POMP: variants seen among roughly 807,000 people sequenced by gnomAD.
The protein encoded by POMP is 2510048O06Rik.
Under a neutral mutation model 20.6 loss-of-function variants are expected in POMP, and 12 were observed. That is an observed-to-expected ratio of 0.58 (90% CI 0.37 to 0.94). The LOEUF (loss-of-function observed/expected upper bound fraction) is 0.94, where lower values mean the gene tolerates loss of function less well. POMP is among the 40% of genes least tolerant of loss of function. POMP has a pLI of 0.01. For missense variants in POMP, 136 were observed against 161.1 expected, an observed-to-expected ratio of 0.84 and a Z score of 0.84; for synonymous variants, 53 against 55.0, an observed-to-expected ratio of 0.96 and a Z score of 0.16.
chr13:28,671,988 TC>T (rs941263204), intron 4 of POMP, among the ~76,000 whole-genome samples: 1 of 152,138 alleles, frequency 6.6e-6, no homozygotes, highest in African/African-American at 2.4e-5. Context: ...TGGACTTTCT[TC>T]AGGAATTTGA....
Position 28,678,135 on chromosome 13 carries a change from T to C in POMP, c.*33T>C. 1 of 1,579,694 alleles carries C rather than the reference T, an allele frequency of 6.3e-7. No individual in the cohort carries two copies. Among genetic ancestry groups the C allele is most frequent in the South Asian group, 1.1e-5 (1 of 90,370 alleles). ...CTGTTCATGGAAACCGAGGGCTGCA[T>C]CTTGTTTATAGTCATCTTTGTACTG... On this transcript the variant is annotated 3_prime_UTR_variant, in exon 6 of 6. Coordinates refer to ENST00000380842, the MANE Select transcript of POMP (RefSeq NM_015932.6).
At chr13:28,677,988 C>T in intron 5 of POMP, 47 bp from the exon 6 acceptor site, 1 of 1,552,670 alleles carries the variant, frequency 6.4e-7, no homozygotes, top group Non-Finnish European at 8.9e-7. Context: ...TTGAATGTAT[C>T]TCTTTTTTGA....
intron 4 of POMP, among the ~76,000 whole-genome samples, chr13:28,669,613 C>G (rs1566108841): frequency 6.6e-6 from 1 of 152,124 alleles, no homozygotes; most frequent in Non-Finnish European, 1.5e-5. Flanking sequence ...CTCCTGGCCT[C>G]AAGCTATCAT....
At position 28,672,804 on chromosome 13, in the gene POMP, G is replaced by C. The variant is rs541507519; in HGVS notation, c.358+372G>C. ...AAGAGTACATAGTCATTTCAGTCTA[G>C]TAATGGTGGTTATTCACTTCATGTC... On this transcript the variant is annotated intron_variant, in intron 5 of 5. Transcript: ENST00000380842. Among the ~76,000 whole-genome samples the C allele has an allele frequency of 3.9e-5, 6 of 152,248 alleles. No individual in the cohort carries two copies. In the East Asian group the frequency reaches 9.6e-4, roughly 24 times the overall value.
intron 5 of POMP, among the ~76,000 whole-genome samples, chr13:28,677,560 TTTTC>T (rs909737399): frequency 2.0e-4 from 31 of 152,176 alleles, no homozygotes; most frequent in African/African-American, 7.5e-4. Flanking sequence ...TTTTTAAAGG[TTTTC>T]TTTCTTAAGA....
At chr13:28,666,355 A>G (rs77494612) in intron 3 of POMP, among the ~76,000 whole-genome samples, 14 of 152,188 alleles carry the variant, frequency 9.2e-5, no homozygotes, top group Non-Finnish European at 1.9e-4. Flanking sequence ...AAGGGAGATT[A>G]TATTATTTTC....
intron 1 of POMP, among the ~76,000 whole-genome samples, chr13:28,661,511 A>C (rs1884341167): frequency 6.6e-6 from 1 of 152,148 alleles, no homozygotes; most frequent in Non-Finnish European, 1.5e-5. Context: ...TGCCTGTTGT[A>C]ACACCATGTT....
intron 4 of POMP, among the ~76,000 whole-genome samples, chr13:28,670,788 T>C (rs1375462408): frequency 6.6e-6 from 1 of 152,236 alleles, no homozygotes; most frequent in Non-Finnish European, 1.5e-5. Context: ...GGCTCATGCC[T>C]GTAATCCCAG....
At chr13:28,661,562 G>A (rs750310435) in intron 1 of POMP, among the ~76,000 whole-genome samples, 48 of 152,134 alleles carry the variant, frequency 3.2e-4, no homozygotes, top group African/African-American at 1.1e-3. Context: ...CTGAAGCCCC[G>A]GGAGGTAGAC....
chr13:28,673,137 C>T (rs1351862086), intron 5 of POMP, among the ~76,000 whole-genome samples: 1 of 148,438 alleles, frequency 6.7e-6, no homozygotes, highest in Non-Finnish European at 1.5e-5. Context: ...GTGGCGCAAT[C>T]TCAGCTCACT....
At chr13:28,668,767 G>A (rs997596236) in intron 4 of POMP, among the ~76,000 whole-genome samples, 193 bp downstream of exon 4, 1 of 151,934 alleles carries the variant, frequency 6.6e-6, no homozygotes, top group East Asian at 1.9e-4. Flanking sequence ...CAAATTACAG[G>A]CTCAGTGTCT....
Position 28,678,351 on chromosome 13 carries a change from G to T in POMP, c.*249G>T. On this transcript the variant is annotated 3_prime_UTR_variant, in exon 6 of 6. Transcript: ENST00000380842. ...AGCCTTTGTCTTTAAAAAAGTTGTT[G>T]CTCATGAATATTATAAAATGATCTA... 2 of 452,288 alleles carry T rather than the reference G, an allele frequency of 4.4e-6. No individual in the cohort carries two copies. Among genetic ancestry groups the T allele is most frequent in the South Asian group, 5.2e-5 (2 of 38,284 alleles). The allele number at this position is 452,288 out of a possible 1,614,324, so 28.0% of individuals were successfully genotyped here.
chr13:28,675,029 A>G (rs887853035), intron 5 of POMP, among the ~76,000 whole-genome samples: 4 of 152,094 alleles, frequency 2.6e-5, no homozygotes, highest in Non-Finnish European at 5.9e-5. Context: ...ACAGAGTGAA[A>G]CCCTATCTCA....
At chr13:28,672,275 T>C (rs1884561433) in intron 4 of POMP, 64 bp from the exon 5 acceptor site, 3 of 1,209,476 alleles carry the variant, frequency 2.5e-6, no homozygotes, top group Middle Eastern at 1.9e-4. Flanking sequence ...GAAATTAGAC[T>C]ATATATTCTG....
intron 1 of POMP, among the ~76,000 whole-genome samples, chr13:28,661,532 G>T (rs757037620): frequency 2.0e-4 from 30 of 152,122 alleles, no homozygotes; most frequent in Non-Finnish European, 3.1e-4. Flanking sequence ...TTCTTTGCTT[G>T]TTTAATATAT....
intron 5 of POMP, among the ~76,000 whole-genome samples, chr13:28,676,226 G>C (rs1037309283): frequency 6.6e-6 from 1 of 151,950 alleles, no homozygotes; most frequent in Non-Finnish European, 1.5e-5. Context: ...GGATGGTCTC[G>C]ATCTCCTGAC....
chr13:28,667,769 T>G (rs540208126), intron 3 of POMP, among the ~76,000 whole-genome samples: 1 of 152,340 alleles, frequency 6.6e-6, no homozygotes, highest in East Asian at 1.9e-4. Context: ...GCATATTACA[T>G]TCACTATCCT....
intron 4 of POMP, among the ~76,000 whole-genome samples, chr13:28,671,263 TAAG>T (rs1361600438): frequency 1.3e-5 from 2 of 152,110 alleles, no homozygotes; most frequent in Non-Finnish European, 2.9e-5. Context: ...TAATGTGAAA[TAAG>T]GAGAACAGTA....
rs200509494 is a variant in POMP at position 28,662,511 on chromosome 13, T to C, written c.101+4T>C. ...GTCATGATCTTCTTCGGAAAGGGTATATGGGGGAGTTATGACTTTGATTTT... is the reference window on the plus strand; with the variant it reads ...GTCATGATCTTCTTCGGAAAGGGTACATGGGGGAGTTATGACTTTGATTTT... On this transcript the variant is annotated splice_donor_region_variant and intron_variant, in intron 2 of 5. Transcript: ENST00000380842. 6.3e-7 allele frequency: 1 copy of C among 1,597,164 alleles called. No homozygotes were observed. Among genetic ancestry groups the C allele is most frequent in the East Asian group, 2.2e-5 (1 of 44,758 alleles).
Sources: allele counts gnomAD v4.1 joint callset (sites outside exome capture counted in the v4.1 genomes callset), GRCh38; gene constraint gnomAD v4.1.1; transcripts MANE v1.5; gene names NCBI Gene and HGNC (gene_info 2026-07-23, HGNC 2026-07-21).